DUSP3: variants seen among roughly 807,000 people sequenced by gnomAD.
DUSP3 encodes the protein dual specificity protein phosphatase 3.
In DUSP3, 7 loss-of-function variants were observed where a neutral mutation model predicts 15.5. The ratio of observed to expected loss-of-function variants is 0.45; its 90% CI spans 0.26 to 0.85. DUSP3 has a LOEUF of 0.85. Among genes scored for constraint, DUSP3 ranks in the 40% least tolerant of loss-of-function variants. The probability of loss-of-function intolerance (pLI) is 0.18; values close to 1 mark genes in which losing one functional copy is unlikely to be tolerated. For synonymous variants in DUSP3, 86 were observed against 104.2 expected, an observed-to-expected ratio of 0.83 and a Z score of 1.07; for missense variants, 209 against 251.7, an observed-to-expected ratio of 0.83 and a Z score of 1.15.
rs1567780397 is a variant in DUSP3 at position 43,767,853 on chromosome 17, G to A, written c.*1756C>T. 1 of 152,182 alleles carries A rather than the reference G, an allele frequency of 6.6e-6. No homozygotes were observed. The highest frequency in any genetic ancestry group is 1.5e-5 in the Non-Finnish European group (1 of 68,040). The allele number at this position is 152,182 out of a possible 1,614,324, so 9.4% of individuals were successfully genotyped here. ...AGGCTGGGCAGGGCTGCTTCTGTGT[G>A]ATCAGAGACCTTCCCAGCCGGGAGT... On this transcript the variant is annotated 3_prime_UTR_variant, in exon 3 of 3. Coordinates refer to ENST00000226004, the MANE Select transcript of DUSP3 (RefSeq NM_004090.4).
At position 43,769,450 on chromosome 17, in the gene DUSP3, TG is replaced by T; in HGVS notation, c.*158del. 1 of 773,232 alleles carries T rather than the reference TG, an allele frequency of 1.3e-6. No individual in the cohort carries two copies. The highest frequency in any genetic ancestry group is 2.0e-5 in the South Asian group (1 of 49,870). 47.9% of individuals were successfully genotyped at this position (773,232 alleles called of 1,614,324 possible). A position where few individuals can be genotyped will look rare whatever the true frequency, so the allele number is the denominator to read the frequency against. ...AAGCTTCTTTATGTGCTCCCCAGGG[TG>T]GGGAAAGTGGCCCAGGACTGTGTTG... On this transcript the variant is annotated 3_prime_UTR_variant, in exon 3 of 3. Transcript: ENST00000226004.
chr17:43,770,400 G>A (rs549492612), intron 2 of DUSP3, among the ~76,000 whole-genome samples: 2 of 152,308 alleles, frequency 1.3e-5, no homozygotes, highest in African/African-American at 4.8e-5. Context: ...GCTCACGCCT[G>A]TAATCCCAGC....
chr17:43,770,804 G>A (rs1467868496), intron 2 of DUSP3, among the ~76,000 whole-genome samples: 1 of 151,504 alleles, frequency 6.6e-6, no homozygotes, highest in African/African-American at 2.4e-5. Context: ...TGTTGCCCAG[G>A]CTGGAGTGCA....
chr17:43,773,964 G>A (rs1290793258), intron 2 of DUSP3: 2 of 181,594 alleles, frequency 1.1e-5, no homozygotes, highest in Admixed American at 6.1e-5. Context: ...CCAGGCGTGG[G>A]GGCGCATGCC....
intron 1 of DUSP3, among the ~76,000 whole-genome samples, chr17:43,776,130 TA>T (rs1974385253): frequency 6.6e-6 from 1 of 151,994 alleles, no homozygotes; most frequent in Non-Finnish European, 1.5e-5. Context: ...AAAAATAAAA[TA>T]AAATAAAATA....
chr17:43,773,367 G>A (rs1397634788), intron 2 of DUSP3, among the ~76,000 whole-genome samples: 1 of 152,216 alleles, frequency 6.6e-6, no homozygotes, highest in Non-Finnish European at 1.5e-5. Context: ...AAAGCAGAAA[G>A]GGAGAAAGGG....
chr17:43,778,481 T>G, intron 1 of DUSP3: 1 of 219,628 alleles, frequency 4.6e-6, no homozygotes, highest in Non-Finnish European at 9.0e-6. Context: ...ACCTGTTAAG[T>G]GAACATGGTA....
chr17:43,778,627 G>T (rs1268631976), intron 1 of DUSP3, among the ~76,000 whole-genome samples, 173 bp downstream of exon 1: 1 of 152,082 alleles, frequency 6.6e-6, no homozygotes, highest in Non-Finnish European at 1.5e-5. Flanking sequence ...TTGGCCCCAC[G>T]CGCGGGGGTA....
chr17:43,770,598 G>A (rs1245164972), intron 2 of DUSP3, among the ~76,000 whole-genome samples: 4 of 151,814 alleles, frequency 2.6e-5, no homozygotes, highest in East Asian at 2.0e-4. Context: ...CAGAGGTTGC[G>A]GTGAGGTGAG....
intron 1 of DUSP3, among the ~76,000 whole-genome samples, chr17:43,776,393 C>T (rs951433385): frequency 2.0e-5 from 3 of 152,244 alleles, no homozygotes; most frequent in African/African-American, 7.2e-5. Flanking sequence ...TGGGAGAAGA[C>T]CTCCTTTCTC....
Position 43,771,394 on chromosome 17 carries a change from T to C in DUSP3, c.353-1580A>G, listed in dbSNP as rs192075798. On this transcript the variant is annotated intron_variant, in intron 2 of 2. Coordinates refer to ENST00000226004, the MANE Select transcript of DUSP3 (RefSeq NM_004090.4). ...GAACCCACGGATATGGAGGACCGAC[T>C]GTATATTCTATTGGTTCTGTTTTTT... Among the ~76,000 whole-genome samples the C allele has an allele frequency of 3.3e-5, 5 of 152,278 alleles. No homozygotes were observed. The East Asian group carries it at 9.6e-4, about 29-fold the overall frequency.
chr17:43,769,678 G>C lies in DUSP3; in HGVS notation c.489C>G (p.Asn163Lys), dbSNP rs747716120. 5 of 1,613,498 alleles carry C rather than the reference G, an allele frequency of 3.1e-6. No individual in the cohort carries two copies. The South Asian group carries it at 5.5e-5, about 18-fold the overall frequency. The change falls in exon 3 of 3, where the codon AAC (asparagine) becomes AAG (lysine). Residue 163 changes from asparagine (N) to lysine (K), a missense_variant. Transcript: ENST00000226004. ...IVRQNREIGP[N>K]DGFLAQLCQL... ...GGCAGAGCTGGGCCAGGAAGCCATCGTTGGGGCCGATCTCACGGTTCTGCC... is the reference window on the plus strand; with the variant it reads ...GGCAGAGCTGGGCCAGGAAGCCATCCTTGGGGCCGATCTCACGGTTCTGCC...
chr17:43,777,208 G>C (rs1974399599), intron 1 of DUSP3, among the ~76,000 whole-genome samples: 1 of 152,118 alleles, frequency 6.6e-6, no homozygotes, highest in African/African-American at 2.4e-5. Context: ...GCTGACCTCA[G>C]GTGACCCACC....
At chr17:43,777,637 C>T (rs1385254914) in intron 1 of DUSP3, 3 of 443,280 alleles carry the variant, frequency 6.8e-6, no homozygotes, top group African/African-American at 6.0e-5. Context: ...AACATGCCAT[C>T]CTTGGGCTGA....
In DUSP3 at chr17:43,766,598, G is replaced by C. The variant is rs575632632; in HGVS notation, c.*3011C>G. ...CATCCATCACCATGGGTGGAAGGCA[G>C]CGCCACCTGCTGCCCATCATATTAT... On this transcript the variant is annotated 3_prime_UTR_variant, in exon 3 of 3. Transcript: ENST00000226004. The C allele has an allele frequency of 6.6e-6, 1 of 152,312 alleles. No individual in the cohort carries two copies. Among genetic ancestry groups the C allele is most frequent in the South Asian group, 2.1e-4 (1 of 4,810 alleles). The allele number at this position is 152,312 out of a possible 1,614,324, so 9.4% of individuals were successfully genotyped here.
chr17:43,773,089 G>C (rs1404154310), intron 2 of DUSP3, among the ~76,000 whole-genome samples: 1 of 152,216 alleles, frequency 6.6e-6, no homozygotes, highest in Admixed American at 6.5e-5. Flanking sequence ...GGGGGTGACA[G>C]TGACCAGGAA....
intron 1 of DUSP3, chr17:43,777,524 C>T: frequency 4.4e-6 from 2 of 455,984 alleles, no homozygotes; most frequent in Middle Eastern, 6.5e-4. Flanking sequence ...TCAGGAAATA[C>T]ATACATGAAC....
intron 2 of DUSP3, among the ~76,000 whole-genome samples, chr17:43,771,807 G>T (rs917525214): frequency 6.6e-6 from 1 of 152,112 alleles, no homozygotes; most frequent in African/African-American, 2.4e-5. Flanking sequence ...TCAGGAGTTC[G>T]AGACCATCCT....
At chr17:43,770,313 G>A (rs762865367) in intron 2 of DUSP3, among the ~76,000 whole-genome samples, 5 of 152,192 alleles carry the variant, frequency 3.3e-5, no homozygotes, top group African/African-American at 9.7e-5. Context: ...CACATATGAG[G>A]TGGATGAGCC....
Sources: gnomAD v4.1 joint callset for allele counts (sites outside exome capture counted in the v4.1 genomes callset) on GRCh38, gnomAD v4.1.1 for gene constraint, MANE v1.5 for transcripts, NCBI Gene and HGNC (gene_info 2026-07-23, HGNC 2026-07-21) for gene names.